SLC13A4: variants seen among roughly 807,000 people sequenced by gnomAD.
The protein encoded by SLC13A4 is Na(+)/sulfate cotransporter SUT-1.
Under a neutral mutation model 72.7 loss-of-function variants are expected in SLC13A4, and 28 were observed. The ratio of observed to expected loss-of-function variants is 0.39; its 90% CI spans 0.29 to 0.53. The LOEUF (loss-of-function observed/expected upper bound fraction) is 0.53, where lower values mean the gene tolerates loss of function less well. Ranked by LOEUF, SLC13A4 falls within the 20% of genes least tolerant of loss-of-function variation. SLC13A4 has a pLI of 0.78. For synonymous variants in SLC13A4, 312 were observed against 325.5 expected (o/e 0.96, Z 0.45); for missense variants, 653 against 788.0 (o/e 0.83, Z 2.05).
chr7:135,681,565 A>G lies in SLC13A4; in HGVS notation c.1882T>C (p.Ter628GlnextTer27). 6.2e-7 allele frequency: 1 copy of G among 1,613,066 alleles called. No homozygotes were observed. The highest frequency in any genetic ancestry group is 8.5e-7 in the Non-Finnish European group (1 of 1,179,340). Residue 628 changes from the stop codon to glutamine, a stop_lost, in exon 16 of 16, where the codon TAA (stop) becomes CAA (glutamine). Transcript: ENST00000682651. ...TGGGCCAGTTTGTACACTTGGCGTT[A>G]GGCTTGATCAGTGATGTTGCTGACC... ...ARVSNITDQA* is the reference protein window; with the variant it reads ...ARVSNITDQAQ
intron 6 of SLC13A4, chr7:135,702,544 T>G: frequency 3.4e-6 from 1 of 295,480 alleles, no homozygotes; most frequent in Non-Finnish European, 6.5e-6. Context: ...CCCAGCTAAT[T>G]TTTGTATTTT....
At chr7:135,712,070 C>T (rs970407510) in intron 2 of SLC13A4, among the ~76,000 whole-genome samples, 13 of 138,944 alleles carry the variant, frequency 9.4e-5, no homozygotes, top group African/African-American at 3.2e-4. Flanking sequence ...GTGATCTGCT[C>T]ATCTCAGTCT....
rs531149577 is a variant in SLC13A4, at chr7:135,711,182, A to G, written c.229-2932T>C. Among the ~76,000 whole-genome samples, 33 of 152,278 alleles carry G rather than the reference A, an allele frequency of 2.2e-4. No homozygotes were observed. The East Asian group carries it at 5.4e-3, about 25-fold the overall frequency. Reference sequence around the variant, plus strand: ...TCTTGTCTACCGAGGAGAGAAACCCACAGAAGATGCGGGACCGTTGTGGGA... The same window carrying G: ...TCTTGTCTACCGAGGAGAGAAACCCGCAGAAGATGCGGGACCGTTGTGGGA... On this transcript the variant is annotated intron_variant, in intron 2 of 15. Transcript: ENST00000682651.
chr7:135,688,275 C>G (rs1795686561), intron 13 of SLC13A4, among the ~76,000 whole-genome samples: 1 of 150,190 alleles, frequency 6.7e-6, no homozygotes, highest in Non-Finnish European at 1.5e-5. Flanking sequence ...TGTGCCCAGT[C>G]CCTGGAGTTT....
intron 2 of SLC13A4, among the ~76,000 whole-genome samples, chr7:135,710,657 A>C (rs1288862255): frequency 6.6e-6 from 1 of 152,180 alleles, no homozygotes; most frequent in Non-Finnish European, 1.5e-5. Flanking sequence ...AAAGTATTTG[A>C]TTTTTAAACT....
At position 135,720,871 on chromosome 7, in the gene SLC13A4, C is replaced by T. The variant is rs893146575; in HGVS notation, c.228+524G>A. Among the ~76,000 whole-genome samples, 55 of 152,082 alleles carry T rather than the reference C, an allele frequency of 3.6e-4. 1 individual carries two copies. The highest frequency in any genetic ancestry group is 1.2e-3 in the African/African-American group (51 of 41,404). ...GCAAAGAAAGAAAGTAACCTTAAGTCGGGCGAGAAGAAAAAGAAATGTTGT... is the reference window on the plus strand; with the variant it reads ...GCAAAGAAAGAAAGTAACCTTAAGTTGGGCGAGAAGAAAAAGAAATGTTGT... On this transcript the variant is annotated intron_variant, in intron 2 of 15. Coordinates refer to ENST00000682651, the MANE Select transcript of SLC13A4 (RefSeq NM_001318192.2).
Position 135,699,447 on chromosome 7 carries a change from G to T in SLC13A4, c.816C>A (p.Ser272Arg), listed in dbSNP as rs1209162364. 8 of 1,613,396 alleles carry T rather than the reference G, an allele frequency of 5.0e-6. No homozygotes were observed. Among genetic ancestry groups the T allele is most frequent in the Admixed American group, 1.7e-5 (1 of 59,886 alleles). The change falls in exon 8 of 16, where the codon AGC becomes AGA. Residue 272 changes from serine (S) to arginine (R), a missense_variant. Transcript: ENST00000682651. Reference protein sequence around the residue: ...DQMICKCLSLSISYSATIGGL... With the variant: ...DQMICKCLSLRISYSATIGGL... ...CGCCAATGGTAGCGGAGTAGGATAT[G>T]CTCAGGGAGAGGCACTTGCAGATCA...
At chr7:135,725,812 A>C (rs1368766410) in intron 1 of SLC13A4, among the ~76,000 whole-genome samples, 1 of 152,130 alleles carries the variant, frequency 6.6e-6, no homozygotes, top group Non-Finnish European at 1.5e-5. Context: ...AATTTTTTTA[A>C]AAATTAGCTG....
In SLC13A4 at chr7:135,681,567, G is replaced by A; in HGVS notation, c.1880C>T (p.Ala627Val). The A allele has an allele frequency of 1.2e-6, 2 of 1,613,550 alleles. No individual in the cohort carries two copies. The highest frequency in any genetic ancestry group is 1.7e-6 in the Non-Finnish European group (2 of 1,179,620). Residue 627 changes from alanine to valine, a missense_variant, in exon 16 of 16, where the codon GCC (alanine) becomes GTC (valine). Transcript: ENST00000682651. ...GGCCAGTTTGTACACTTGGCGTTAG[G>A]CTTGATCAGTGATGTTGCTGACCCT... is the stretch of plus-strand genomic sequence containing the variant. Reference protein sequence around the residue: ...WARVSNITDQA With the variant: ...WARVSNITDQV
chr7:135,701,644 T>C, intron 7 of SLC13A4, 36 bp downstream of exon 7: 1 of 1,599,426 alleles, frequency 6.3e-7, no homozygotes, highest in South Asian at 1.1e-5. Context: ...CAGCGTTTCA[T>C]GTAGGAAACA....
intron 2 of SLC13A4, among the ~76,000 whole-genome samples, chr7:135,714,175 A>G (rs1054583005): frequency 1.3e-5 from 2 of 152,238 alleles, no homozygotes; most frequent in Non-Finnish European, 2.9e-5. Flanking sequence ...TGGTTTAAAG[A>G]AAAGGTTTCA....
At chr7:135,708,043 G>C (rs201330871) in intron 3 of SLC13A4, 71 bp downstream of exon 3, 2 of 1,559,320 alleles carry the variant, frequency 1.3e-6, no homozygotes, top group East Asian at 4.5e-5. Context: ...AGTGACCTGA[G>C]ACCACTGTCC....
chr7:135,706,391 G>A, intron 3 of SLC13A4, 91 bp from the exon 4 acceptor site: 1 of 1,361,800 alleles, frequency 7.3e-7, no homozygotes, highest in Non-Finnish European at 1.0e-6. Flanking sequence ...GCTGGGGCTG[G>A]TCTAGACAGC....
intron 1 of SLC13A4, among the ~76,000 whole-genome samples, chr7:135,722,224 C>A (rs1318181172): frequency 6.6e-6 from 1 of 151,796 alleles, no homozygotes; most frequent in Non-Finnish European, 1.5e-5. Context: ...CCAGCTTGGA[C>A]TACAGGACTA....
Position 135,691,263 on chromosome 7 carries a change from T to A in SLC13A4, c.1384A>T (p.Thr462Ser). 6.2e-7 allele frequency: 1 copy of A among 1,613,218 alleles called. No individual in the cohort carries two copies. The highest frequency in any genetic ancestry group is 1.7e-4 in the Middle Eastern group (1 of 6,054). The part of the protein sequence containing the change: ...PIITWKDFQK[T>S]MPWEIVILVG... ...AGAATGACAATCTCCCAGGGCATGG[T>A]CTTCTGGAAGTCCTTCCACGTGATG... Residue 462 changes from threonine to serine, a missense_variant, in exon 13 of 16, where the codon ACC becomes TCC. Physicochemically the swap from Thr to Ser is moderately conservative, Grantham distance 58. Transcript: ENST00000682651.
rs760943371 is a variant in SLC13A4, at chr7:135,691,228, T to A, written c.1419A>T (p.Gly473=). 2 of 1,609,160 alleles carry A rather than the reference T, an allele frequency of 1.2e-6. No homozygotes were observed. Among genetic ancestry groups the A allele is most frequent in the Non-Finnish European group, 1.7e-6 (2 of 1,178,420 alleles). The change falls in exon 13 of 16, where the codon GGA becomes GGT. Residue 473 remains glycine (G), a synonymous_variant. Transcript: ENST00000682651. ...MPWEIVILVG[G]GYALASGSKS... is the part of the protein sequence containing the mutation. ...TGCTACCAGAAGCCAGAGCATAGCC[T>A]CCCCCAACCAGAATGACAATCTCCC...
intron 1 of SLC13A4, among the ~76,000 whole-genome samples, 161 bp downstream of exon 1, chr7:135,727,237 G>A (rs1796681390): frequency 6.6e-6 from 1 of 152,240 alleles, no homozygotes; most frequent in South Asian, 2.1e-4. Flanking sequence ...CTTTTAGGAA[G>A]AAGATATCTT....
chr7:135,723,638 C>T (rs984677253), intron 1 of SLC13A4, among the ~76,000 whole-genome samples: 1 of 152,088 alleles, frequency 6.6e-6, no homozygotes, highest in South Asian at 2.1e-4. Context: ...GTTTATGGCC[C>T]CTTGAGTTCA....
chr7:135,686,745 C>G (rs981010293), intron 13 of SLC13A4, among the ~76,000 whole-genome samples: 3 of 152,286 alleles, frequency 2.0e-5, no homozygotes, highest in Admixed American at 2.0e-4. Flanking sequence ...GCAACAGTTA[C>G]ACACATCCAC....
Sources: gnomAD v4.1 joint callset for allele counts (sites outside exome capture counted in the v4.1 genomes callset) on GRCh38, gnomAD v4.1.1 for gene constraint, MANE v1.5 for transcripts, NCBI Gene and HGNC (gene_info 2026-07-23, HGNC 2026-07-21) for gene names.